FGGY: variants seen among roughly 807,000 people sequenced by gnomAD.
FGGY encodes the protein FGGY carbohydrate kinase domain containing, also known as FGGY carbohydrate kinase domain-containing protein.
Under a neutral mutation model 71.3 loss-of-function variants are expected in FGGY, and 72 were observed. The ratio of observed to expected loss-of-function variants is 1.01; its 90% CI spans 0.84 to 1.23. The LOEUF (loss-of-function observed/expected upper bound fraction) is 1.23, where lower values mean the gene tolerates loss of function less well. FGGY is among the 50% of genes most tolerant of loss of function. FGGY has a pLI of 0.00. For missense variants in FGGY, 668 were observed against 682.3 expected, an observed-to-expected ratio of 0.98 and a Z score of 0.23; for synonymous variants, 251 against 250.3, an observed-to-expected ratio of 1.00 and a Z score of -0.02.
intron 1 of FGGY, among the ~76,000 whole-genome samples, chr1:59,300,260 G>A (rs2042561892): frequency 6.6e-6 from 1 of 152,100 alleles, no homozygotes; most frequent in African/African-American, 2.4e-5. Flanking sequence ...GATTGCTTGT[G>A]CCCTTTTTAA....
At chr1:59,577,333 A>G (rs11207481) in intron 8 of FGGY, among the ~76,000 whole-genome samples, 31,054 of 152,130 alleles carry the variant, frequency 0.2, 4,414 homozygotes, top group African/African-American at 0.4. Flanking sequence ...ATAATTGCTT[A>G]TTGCATTTTC....
intron 8 of FGGY, among the ~76,000 whole-genome samples, chr1:59,595,455 CCAAGGT>C (rs2096510157): frequency 6.6e-6 from 1 of 152,100 alleles, no homozygotes; most frequent in Non-Finnish European, 1.5e-5. Flanking sequence ...CTTTAGGAGA[CCAAGGT>C]GGGCAGATCA....
chr1:59,448,990 A>G (rs998883880), intron 5 of FGGY, among the ~76,000 whole-genome samples: 5 of 152,100 alleles, frequency 3.3e-5, no homozygotes, highest in African/African-American at 1.2e-4. Context: ...CCTATAAAAC[A>G]GGGGCAGCTT....
At chr1:59,502,916 G>A (rs1408788881) in intron 6 of FGGY, among the ~76,000 whole-genome samples, 2 of 152,210 alleles carry the variant, frequency 1.3e-5, no homozygotes, top group Non-Finnish European at 2.9e-5. Context: ...AGCATGTTCG[G>A]ATTTCATGAC....
intron 5 of FGGY, among the ~76,000 whole-genome samples, chr1:59,389,592 G>A (rs546682043): frequency 6.6e-6 from 1 of 152,244 alleles, no homozygotes; most frequent in African/African-American, 2.4e-5. Context: ...TCTTTTTGGT[G>A]TATATCTAAG....
At chr1:59,546,520 G>GATTATTATTATTATT (rs1491427942) in intron 7 of FGGY, among the ~76,000 whole-genome samples, 4 of 82,940 alleles carry the variant, frequency 4.8e-5, no homozygotes, top group African/African-American at 1.4e-4. Flanking sequence ...TGATGATGAT[G>GATTATTATTATTATT]ATGATGATGA....
intron 14 of FGGY, among the ~76,000 whole-genome samples, chr1:59,721,333 C>CTTTTTTTTTTTTTTTTTTTTTTT (rs1193468922): frequency 1.5e-5 from 1 of 68,588 alleles, no homozygotes; most frequent in African/African-American, 5.6e-5. Flanking sequence ...CTTTTCTTTC[C>CTTTTTTTTTTTTTTTTTTTTTTT]TTTGTTTTTT....
At chr1:59,376,719 T>C (rs2058701814) in intron 4 of FGGY, among the ~76,000 whole-genome samples, 1 of 152,210 alleles carries the variant, frequency 6.6e-6, no homozygotes, top group South Asian at 2.1e-4. Context: ...ATGCCTCTTT[T>C]GGAACTTCTG....
intron 14 of FGGY, among the ~76,000 whole-genome samples, chr1:59,674,928 C>A (rs949738491): frequency 6.6e-6 from 1 of 152,214 alleles, no homozygotes; most frequent in African/African-American, 2.4e-5. Context: ...TACCTACCAG[C>A]TCTTGTGGCC....
intron 7 of FGGY, among the ~76,000 whole-genome samples, chr1:59,515,770 A>T (rs2094630102): frequency 6.6e-6 from 1 of 152,172 alleles, no homozygotes; most frequent in Non-Finnish European, 1.5e-5. Flanking sequence ...CACCATGATT[A>T]TGAGACCTCC....
intron 8 of FGGY, among the ~76,000 whole-genome samples, chr1:59,560,304 G>A (rs1010815773): frequency 2.0e-5 from 3 of 152,070 alleles, no homozygotes; most frequent in African/African-American, 7.2e-5. Context: ...CAAAAAACAG[G>A]GAAAGTCAGA....
At chr1:59,501,821 C>A (rs1035876295) in intron 6 of FGGY, among the ~76,000 whole-genome samples, 15 of 152,168 alleles carry the variant, frequency 9.9e-5, no homozygotes, top group African/African-American at 3.1e-4. Context: ...GCTCTCATGA[C>A]CCCAAAAGCA....
At chr1:59,331,613 G>T (rs835379) in intron 2 of FGGY, among the ~76,000 whole-genome samples, 64,884 of 151,836 alleles carry the variant, frequency 0.43, 14,710 homozygotes, top group African/African-American at 0.58. Context: ...GTAATCACTT[G>T]CTAGTATACT....
intron 7 of FGGY, among the ~76,000 whole-genome samples, chr1:59,534,213 C>T (rs1007371555): frequency 3.3e-5 from 5 of 151,944 alleles, no homozygotes; most frequent in African/African-American, 1.2e-4. Context: ...ATGCGATCAC[C>T]TAGAAGAAAG....
intron 5 of FGGY, among the ~76,000 whole-genome samples, chr1:59,441,195 C>CT (rs1385137692): frequency 6.6e-6 from 1 of 152,150 alleles, no homozygotes; most frequent in African/African-American, 2.4e-5. Context: ...GTACTCACGT[C>CT]TATCTATCTG....
chr1:59,528,377 G>A (rs115876017), intron 7 of FGGY, among the ~76,000 whole-genome samples: 336 of 152,250 alleles, frequency 2.2e-3, no homozygotes, highest in African/African-American at 7.5e-3. Flanking sequence ...AAGGAGACTC[G>A]CTTAGACTCA....
At chr1:59,667,428 G>C in intron 13 of FGGY, 25 bp downstream of exon 13, 1 of 1,611,440 alleles carries the variant, frequency 6.2e-7, no homozygotes, top group Non-Finnish European at 8.5e-7. Context: ...GAGGAGAGAA[G>C]GTCACTTTTT....
intron 7 of FGGY, among the ~76,000 whole-genome samples, chr1:59,536,206 T>C (rs373386684): frequency 2.0e-5 from 3 of 151,996 alleles, no homozygotes; most frequent in Non-Finnish European, 2.9e-5. Context: ...AACACCTCTC[T>C]GCAAATAAAC....
chr1:59,514,328 G>A (rs1301152940), intron 7 of FGGY, among the ~76,000 whole-genome samples: 19 of 152,162 alleles, frequency 1.2e-4, no homozygotes, highest in Non-Finnish European at 2.6e-4. Flanking sequence ...TTGAAGAGCC[G>A]CAGGCACTAC....
Sources: gnomAD v4.1 joint callset for allele counts (sites outside exome capture counted in the v4.1 genomes callset) on GRCh38, gnomAD v4.1.1 for gene constraint, MANE v1.5 for transcripts, NCBI Gene and HGNC (gene_info 2026-07-23, HGNC 2026-07-21) for gene names.